Variants in SORD observed in about 807,000 individuals in gnomAD.
The protein encoded by SORD is sorbitol dehydrogenase, also known as (R,R)-butanediol dehydrogenase.
Under a neutral mutation model 35.6 loss-of-function variants are expected in SORD, and 18 were observed. The observed-to-expected ratio is 0.51, with a 90% CI of 0.35 to 0.75. The LOEUF is 0.75. Ranked by LOEUF, SORD falls within the 30% of genes least tolerant of loss-of-function variation. The pLI, the probability that SORD is intolerant of heterozygous loss-of-function variation, is 0.01. For missense variants in SORD, 250 were observed against 390.2 expected (o/e 0.64, Z 3.03); for synonymous variants, 106 against 152.9 (o/e 0.69, Z 2.26).
chr15:45,060,302 G>A (rs539043772), intron 3 of SORD, among the ~76,000 whole-genome samples: 149 of 152,248 alleles, frequency 9.8e-4, no homozygotes, highest in African/African-American at 3.5e-3. Context: ...CCAGGTGTTC[G>A]CTATACAGTT....
rs963322687 is a variant in SORD at position 45,077,019 on chromosome 15, A to C, written c.*3489A>C. ...CTTGTTTTCATTTAATAAATGGCTA[A>C]ATTTCTTTCTATGTCAATAATTATA... On this transcript the variant is annotated 3_prime_UTR_variant, in exon 9 of 9. Transcript: ENST00000267814. 3.3e-5 allele frequency: 5 copies of C among 149,356 alleles called. No individual in the cohort carries two copies. The highest frequency in any genetic ancestry group is 7.4e-5 in the Non-Finnish European group (5 of 68,022). The allele number at this position is 149,356 out of a possible 1,614,324, so 9.3% of individuals were successfully genotyped here.
intron 3 of SORD, among the ~76,000 whole-genome samples, chr15:45,054,643 A>G (rs1006370640): frequency 1.2e-4 from 19 of 152,066 alleles, no homozygotes; most frequent in Admixed American, 8.5e-4. Context: ...GAAGCTCTTT[A>G]GTTTAATTAG....
chr15:45,068,452 T>A (rs78665624), intron 6 of SORD, among the ~76,000 whole-genome samples: 9,519 of 121,310 alleles, frequency 0.078, 919 homozygotes, highest in African/African-American at 0.22. Flanking sequence ...TGAGAGAGTG[T>A]GTGTGTGTGT....
Position 45,038,118 on chromosome 15 carries a change from C to T in SORD, c.67-2290C>T, listed in dbSNP as rs188391243. 1.0e-3 allele frequency among the ~76,000 whole-genome samples: 152 copies of T among 150,180 alleles called. 1 individual carries two copies. The highest frequency in any genetic ancestry group is 1.5e-3 in the Non-Finnish European group (101 of 67,560). The stretch of plus-strand genomic sequence containing the variant: ...TTCTAGACTGATTACTTCCTTCCCT[C>T]GCATCCTCCCTTCCTTCCTTCCTTC... On this transcript the variant is annotated intron_variant, in intron 1 of 8. Coordinates refer to ENST00000267814, the MANE Select transcript of SORD (RefSeq NM_003104.6).
intron 3 of SORD, among the ~76,000 whole-genome samples, chr15:45,050,272 G>T (rs973341973): frequency 1.3e-5 from 2 of 152,106 alleles, no homozygotes; most frequent in Non-Finnish European, 2.9e-5. Flanking sequence ...TAGTAGAGAT[G>T]GGGTTTCACC....
chr15:45,041,010 A>C (rs1037270000), intron 2 of SORD, among the ~76,000 whole-genome samples: 12 of 152,158 alleles, frequency 7.9e-5, no homozygotes, highest in Admixed American at 5.2e-4. Context: ...AAGCACAGAA[A>C]GTGAGTGAGC....
At chr15:45,024,163 TC>T (rs1343888977) in intron 1 of SORD, among the ~76,000 whole-genome samples, 2 of 152,184 alleles carry the variant, frequency 1.3e-5, no homozygotes, top group East Asian at 3.8e-4. Context: ...ATGCCAAGCC[TC>T]CCTTGACAAA....
chr15:45,056,167 G>A (rs1349563240), intron 3 of SORD, among the ~76,000 whole-genome samples: 2 of 151,342 alleles, frequency 1.3e-5, no homozygotes, highest in African/African-American at 4.9e-5. Flanking sequence ...AGGAAATAAA[G>A]GGTATTCAGT....
intron 3 of SORD, chr15:45,050,467 G>A (rs982565474): frequency 6.6e-6 from 1 of 152,236 alleles, no homozygotes; most frequent in African/African-American, 2.4e-5. Context: ...GAGGTCAAAA[G>A]AACATGGAGC....
At chr15:45,031,649 G>T (rs1314253171) in intron 1 of SORD, among the ~76,000 whole-genome samples, 1 of 152,124 alleles carries the variant, frequency 6.6e-6, no homozygotes, top group Admixed American at 6.6e-5. Context: ...TGGTGACAGG[G>T]TTTCACCATG....
intron 3 of SORD, among the ~76,000 whole-genome samples, chr15:45,052,241 G>C (rs143548891): frequency 7.2e-5 from 11 of 152,348 alleles, no homozygotes; most frequent in African/African-American, 2.6e-4. Flanking sequence ...GTTAGCCAGA[G>C]ACTCCAATGT....
chr15:45,056,159 G>T (rs1362306829), intron 3 of SORD, among the ~76,000 whole-genome samples: 1 of 151,420 alleles, frequency 6.6e-6, no homozygotes, highest in African/African-American at 2.4e-5. Context: ...GCAGGAGAAG[G>T]AAATAAAGGG....
At chr15:45,042,514 A>G (rs1892984085) in intron 2 of SORD, 1 of 151,680 alleles carries the variant, frequency 6.6e-6, no homozygotes, top group Non-Finnish European at 1.5e-5. Flanking sequence ...AAATAAATAA[A>G]TAAATAAATA....
At position 45,068,982 on chromosome 15, in the gene SORD, A is replaced by G. The variant is rs1042079; in HGVS notation, c.716A>G (p.Gln239Arg). The stretch of plus-strand genomic sequence containing the variant: ...GAAATCGCCAGGAAAGTAGAAGGTC[A>G]GCTGGGGTGCAAGCCGGAAGTCACC... Reference protein sequence around the residue: ...PQEIARKVEGQLGCKPEVTIE... With the variant: ...PQEIARKVEGRLGCKPEVTIE... Residue 239 changes from glutamine to arginine, a missense_variant, in exon 7 of 9, where the codon CAG (glutamine) becomes CGG (arginine). Coordinates refer to ENST00000267814, the MANE Select transcript of SORD (RefSeq NM_003104.6). The G allele has an allele frequency of 3.8e-6, 6 of 1,559,660 alleles. No individual in the cohort carries two copies. In the South Asian group the frequency reaches 5.9e-5, roughly 15 times the overall value.
intron 1 of SORD, among the ~76,000 whole-genome samples, chr15:45,037,482 G>A (rs1161302121): frequency 6.6e-6 from 1 of 152,186 alleles, no homozygotes; most frequent in Admixed American, 6.5e-5. Flanking sequence ...CTGTGGAACT[G>A]TCTTTCAGTG....
At chr15:45,051,557 G>A (rs974347060) in intron 3 of SORD, among the ~76,000 whole-genome samples, 9 of 152,158 alleles carry the variant, frequency 5.9e-5, no homozygotes, top group Non-Finnish European at 8.8e-5. Context: ...ATTTATTTTA[G>A]CCAAAGTCAT....
intron 1 of SORD, among the ~76,000 whole-genome samples, chr15:45,026,384 G>T (rs1892668835): frequency 6.6e-6 from 1 of 152,090 alleles, no homozygotes; most frequent in Non-Finnish European, 1.5e-5. Flanking sequence ...AATGCATTTT[G>T]GGGGGAAAAA....
chr15:45,023,374 G>A (rs750992600), intron 1 of SORD, 25 bp downstream of exon 1: 25 of 1,540,414 alleles, frequency 1.6e-5, no homozygotes, highest in East Asian at 5.0e-5. Context: ...AGGGTGGGAA[G>A]CATACCGATC....
intron 1 of SORD, among the ~76,000 whole-genome samples, chr15:45,032,427 C>A (rs576401172): frequency 6.6e-6 from 1 of 151,968 alleles, no homozygotes; most frequent in Non-Finnish European, 1.5e-5. Flanking sequence ...TCCCAAGACA[C>A]CTCAGTCCCA....
Sources: gnomAD v4.1 joint callset for allele counts (sites outside exome capture counted in the v4.1 genomes callset) on GRCh38, gnomAD v4.1.1 for gene constraint, MANE v1.5 for transcripts, NCBI Gene and HGNC (gene_info 2026-07-23, HGNC 2026-07-21) for gene names.